The following RPS6KA5 variants were observed in gnomAD, a reference collection of about 807,000 sequenced individuals.
RPS6KA5 encodes ribosomal protein S6 kinase A5, also known as ribosomal protein S6 kinase alpha-5.
Under a neutral mutation model 85.5 loss-of-function variants are expected in RPS6KA5, and 27 were observed. The observed-to-expected ratio is 0.32, with a 90% CI of 0.23 to 0.44. The LOEUF (loss-of-function observed/expected upper bound fraction) is 0.44. RPS6KA5 is among the 20% of genes least tolerant of loss of function. The pLI is 1.00. For missense variants in RPS6KA5, 811 were observed against 980.9 expected (o/e 0.83, Z 2.31); for synonymous variants, 334 against 348.2 (o/e 0.96, Z 0.46).
At chr14:90,972,929 C>T (rs981141766) in intron 3 of RPS6KA5, among the ~76,000 whole-genome samples, 6 of 152,120 alleles carry the variant, frequency 3.9e-5, no homozygotes, top group Admixed American at 1.3e-4. Context: ...AGAAAAAATA[C>T]ATATGGCTTT....
chr14:90,996,681 C>T (rs867534441), intron 2 of RPS6KA5, among the ~76,000 whole-genome samples: 4 of 151,984 alleles, frequency 2.6e-5, no homozygotes, highest in South Asian at 2.1e-4. Flanking sequence ...ATTTTTACTA[C>T]GTTTTGCTTT....
intron 3 of RPS6KA5, among the ~76,000 whole-genome samples, chr14:90,975,468 GGAA>G (rs1415661773): frequency 1.3e-5 from 2 of 152,170 alleles, no homozygotes; most frequent in African/African-American, 4.8e-5. Flanking sequence ...TGTCCTTACA[GGAA>G]GAAGAAATTT....
chr14:91,060,203 GC>G, intron 1 of RPS6KA5, 128 bp downstream of exon 1: 2 of 961,460 alleles, frequency 2.1e-6, no homozygotes, highest in Non-Finnish European at 2.5e-6. Flanking sequence ...CGACCGCGAC[GC>G]CCCGCCCCAG....
chr14:90,972,593 T>C (rs2039373169), intron 3 of RPS6KA5, among the ~76,000 whole-genome samples: 1 of 152,194 alleles, frequency 6.6e-6, no homozygotes, highest in Non-Finnish European at 1.5e-5. Flanking sequence ...TCATACGCCA[T>C]CCACATGGAT....
At chr14:90,883,985 C>A (rs1595120163) in intron 14 of RPS6KA5, among the ~76,000 whole-genome samples, 1 of 152,242 alleles carries the variant, frequency 6.6e-6, no homozygotes, top group East Asian at 1.9e-4. Flanking sequence ...GAATGTCTGG[C>A]TCCCAAAGGG....
chr14:90,907,152 C>T (rs2035552552), intron 7 of RPS6KA5, among the ~76,000 whole-genome samples: 1 of 152,094 alleles, frequency 6.6e-6, no homozygotes, highest in Admixed American at 6.5e-5. Flanking sequence ...AACCTTAACA[C>T]AATATATATG....
chr14:91,001,127 T>C lies in RPS6KA5; in HGVS notation c.136A>G (p.Ile46Val). 1 of 1,603,374 alleles carries C rather than the reference T, an allele frequency of 6.2e-7. No homozygotes were observed. The highest frequency in any genetic ancestry group is 8.5e-7 in the Non-Finnish European group (1 of 1,174,728). ...ACCTTCAGGAGCTCAAAATTTTCTA[T>C]TCCCACCTTCTCAGCATGTCCTGTC... ...NLTGHAEKVG[I>V]ENFELLKVLG... The change falls in exon 2 of 17, where the codon ATA (isoleucine) becomes GTA (valine). Residue 46 changes from isoleucine (I) to valine (V), a missense_variant. Ile to Val is a conservative substitution (Grantham distance 29). This residue lies in a region of RPS6KA5 where 113 missense variants were observed against 100.0 expected (regional missense o/e 1.13). Coordinates refer to ENST00000614987, the MANE Select transcript of RPS6KA5 (RefSeq NM_004755.4).
At chr14:90,906,008 A>G in intron 8 of RPS6KA5, 141 bp downstream of exon 8, 1 of 776,702 alleles carries the variant, frequency 1.3e-6, no homozygotes. Flanking sequence ...AAAACAAAAC[A>G]AAACAAAAGG....
chr14:91,052,892 T>C (rs954070687), intron 1 of RPS6KA5, among the ~76,000 whole-genome samples: 5 of 150,634 alleles, frequency 3.3e-5, no homozygotes, highest in Non-Finnish European at 4.4e-5. Context: ...CAAGAATATT[T>C]TGGGGAGACT....
At chr14:90,984,795 A>C (rs1481983163) in intron 2 of RPS6KA5, among the ~76,000 whole-genome samples, 2 of 152,252 alleles carry the variant, frequency 1.3e-5, no homozygotes, top group African/African-American at 4.8e-5. Context: ...TAAAACAAGA[A>C]GACATCCATG....
At chr14:91,044,275 AAGAAAGAGAGAGAGAG>A (rs1402151281) in intron 1 of RPS6KA5, among the ~76,000 whole-genome samples, 7 of 11,170 alleles carry the variant, frequency 6.3e-4, no homozygotes, top group African/African-American at 2.1e-3. Flanking sequence ...GAGAGAGAGA[AAGAAAGAGAGAGAGAG>A]AGAAAGAGAG....
At position 90,866,966 on chromosome 14, in the gene RPS6KA5, A is replaced by G. The variant is rs987643183; in HGVS notation, c.*5108T>C. 6.6e-5 allele frequency: 10 copies of G among 152,232 alleles called. No homozygotes were observed. The highest frequency in any genetic ancestry group is 2.4e-4 in the African/African-American group (10 of 41,462). 9.4% of individuals were successfully genotyped at this position (152,232 alleles called of 1,614,324 possible). A position where few individuals can be genotyped will look rare whatever the true frequency, so the allele number is the denominator to read the frequency against. On this transcript the variant is annotated 3_prime_UTR_variant, in exon 17 of 17. Coordinates refer to ENST00000614987, the MANE Select transcript of RPS6KA5 (RefSeq NM_004755.4). ...AAAATAAACTATTAGGAATAACTGA[A>G]TGCCTACCACAGCAACAGAGCTTTA...
chr14:91,032,506 C>T (rs1046548079), intron 1 of RPS6KA5, among the ~76,000 whole-genome samples: 6 of 151,946 alleles, frequency 3.9e-5, no homozygotes, highest in South Asian at 2.1e-4. Flanking sequence ...CTAGAGTGAA[C>T]GGAATCAATT....
At chr14:90,940,603 A>G (rs1014787760) in intron 5 of RPS6KA5, among the ~76,000 whole-genome samples, 2 of 152,186 alleles carry the variant, frequency 1.3e-5, no homozygotes, top group African/African-American at 4.8e-5. Flanking sequence ...TCTGCCACAC[A>G]CACCTATAAA....
Position 90,872,271 on chromosome 14 carries a change from C to T in RPS6KA5, c.2212G>A (p.Ala738Thr), listed in dbSNP as rs781398254. Residue 738 changes from alanine (A) to threonine (T), a missense_variant, in exon 17 of 17, where the codon GCC becomes ACC. Ala to Thr is a moderately conservative substitution (Grantham distance 58, BLOSUM62 0). This residue lies in a region of RPS6KA5 where 650 missense variants were observed against 793.4 expected (regional missense o/e 0.82). Coordinates refer to ENST00000614987, the MANE Select transcript of RPS6KA5 (RefSeq NM_004755.4). ...EGFCLQNVDK[A>T]PLAKRRKMKK... ...ATTTTTCTTCTCTTAGCCAAAGGGG[C>T]CTTATCAACATTCTGAAGGCAAAAC... The T allele has an allele frequency of 2.5e-6, 4 of 1,613,646 alleles. No homozygotes were observed. The highest frequency in any genetic ancestry group is 2.2e-5 in the East Asian group (1 of 44,878).
chr14:90,905,505 G>C (rs908490333), intron 8 of RPS6KA5, among the ~76,000 whole-genome samples: 1 of 152,060 alleles, frequency 6.6e-6, no homozygotes, highest in Non-Finnish European at 1.5e-5. Flanking sequence ...TAATTTAAAT[G>C]TTTTTTCTCA....
At chr14:90,962,733 A>G in intron 3 of RPS6KA5, among the ~76,000 whole-genome samples, 1 of 152,228 alleles carries the variant, frequency 6.6e-6, no homozygotes, top group South Asian at 2.1e-4. Flanking sequence ...TAAGAACAAT[A>G]CAAAGAATCC....
At chr14:90,906,865 C>A (rs567449770) in intron 7 of RPS6KA5, among the ~76,000 whole-genome samples, 1 of 151,942 alleles carries the variant, frequency 6.6e-6, no homozygotes, top group Non-Finnish European at 1.5e-5. Flanking sequence ...ATGGGCACTA[C>A]AGCTGGGGAT....
chr14:90,910,554 T>G (rs998508402), intron 7 of RPS6KA5, among the ~76,000 whole-genome samples: 2 of 145,014 alleles, frequency 1.4e-5, no homozygotes, highest in Non-Finnish European at 2.9e-5. Flanking sequence ...TATGAAGCTT[T>G]GTACATGTGT....
Sources: allele counts gnomAD v4.1 joint callset (sites outside exome capture counted in the v4.1 genomes callset), GRCh38; gene constraint gnomAD v4.1.1; regional missense constraint gnomAD v4.1.1; transcripts MANE v1.5; gene names NCBI Gene and HGNC (gene_info 2026-07-23, HGNC 2026-07-21).